LAMA2: variants seen among roughly 807,000 people sequenced by gnomAD.
The protein encoded by LAMA2 is laminin subunit alpha-2.
Under a neutral mutation model 364.8 loss-of-function variants are expected in LAMA2, and 269 were observed. The observed-to-expected ratio is 0.74, with a 90% CI of 0.67 to 0.82. LAMA2 has a LOEUF of 0.82. Ranked by LOEUF, LAMA2 falls within the 40% of genes least tolerant of loss-of-function variation. The probability of loss-of-function intolerance (pLI) is 0.00; values close to 1 mark genes in which losing one functional copy is unlikely to be tolerated. For synonymous variants in LAMA2, 1,379 were observed against 1,370.6 expected, an observed-to-expected ratio of 1.01 and a Z score of -0.14; for missense variants, 3,807 against 3,873.2, an observed-to-expected ratio of 0.98 and a Z score of 0.45.
At chr6:129,240,936 A>C (rs1408524074) in intron 12 of LAMA2, among the ~76,000 whole-genome samples, 2 of 152,316 alleles carry the variant, frequency 1.3e-5, no homozygotes, top group East Asian at 3.9e-4. Context: ...CAAACACTAA[A>C]GCTTCCTTAT....
At chr6:129,309,187 A>G (rs1774058309) in intron 22 of LAMA2, among the ~76,000 whole-genome samples, 1 of 152,250 alleles carries the variant, frequency 6.6e-6, no homozygotes, top group Non-Finnish European at 1.5e-5. Flanking sequence ...AGGTGTGAGC[A>G]TACACATCAT....
At chr6:129,013,304 GCGGGCGCCTGT>G (rs1360286123) in intron 1 of LAMA2, among the ~76,000 whole-genome samples, 3 of 152,120 alleles carry the variant, frequency 2.0e-5, no homozygotes, top group Non-Finnish European at 4.4e-5. Flanking sequence ...CGGCGTGGTG[GCGGGCGCCTGT>G]AGTCCCAGCT....
chr6:129,131,521 C>T (rs567199166), intron 4 of LAMA2, among the ~76,000 whole-genome samples: 3 of 152,274 alleles, frequency 2.0e-5, no homozygotes, highest in South Asian at 2.1e-4. Context: ...GGAACAAGAA[C>T]ACTGTGTGCT....
At chr6:129,236,923 G>C (rs1337728234) in intron 12 of LAMA2, among the ~76,000 whole-genome samples, 2 of 152,116 alleles carry the variant, frequency 1.3e-5, no homozygotes, top group African/African-American at 4.8e-5. Flanking sequence ...CTATGATTGT[G>C]TATTTCATTG....
intron 1 of LAMA2, among the ~76,000 whole-genome samples, chr6:128,900,352 C>A (rs756036553): frequency 6.6e-6 from 1 of 152,090 alleles, no homozygotes; most frequent in Non-Finnish European, 1.5e-5. Flanking sequence ...GAGATCAGGG[C>A]CCAGGTCTGT....
At chr6:129,318,718 G>A (rs970523343) in intron 27 of LAMA2, among the ~76,000 whole-genome samples, 1 of 152,098 alleles carries the variant, frequency 6.6e-6, no homozygotes, top group Non-Finnish European at 1.5e-5. Flanking sequence ...AATTTTAATT[G>A]AATGTGTGTT....
chr6:129,416,955 A>T (rs1780826967), intron 40 of LAMA2, among the ~76,000 whole-genome samples: 1 of 152,190 alleles, frequency 6.6e-6, no homozygotes, highest in Non-Finnish European at 1.5e-5. Context: ...CACTGGTACC[A>T]GGGAATGCGG....
chr6:129,020,131 A>G (rs1011745216), intron 1 of LAMA2, among the ~76,000 whole-genome samples: 1 of 151,596 alleles, frequency 6.6e-6, no homozygotes, highest in Non-Finnish European at 1.5e-5. Context: ...AAGTCTGTGT[A>G]TAGGGCAGGA....
intron 1 of LAMA2, among the ~76,000 whole-genome samples, chr6:128,951,630 A>G (rs1180233373): frequency 2.0e-5 from 3 of 152,144 alleles, no homozygotes; most frequent in African/African-American, 7.2e-5. Flanking sequence ...CAAGTTAATG[A>G]CTGTAGAATA....
chr6:129,017,682 G>T (rs1395281550), intron 1 of LAMA2, among the ~76,000 whole-genome samples: 1 of 152,056 alleles, frequency 6.6e-6, no homozygotes, highest in African/African-American at 2.4e-5. Context: ...CATGGCTGAT[G>T]ATAACATGTG....
intron 52 of LAMA2, among the ~76,000 whole-genome samples, chr6:129,473,769 T>C (rs1349141468): frequency 6.6e-6 from 1 of 152,010 alleles, no homozygotes; most frequent in Non-Finnish European, 1.5e-5. Context: ...TGCTAAGCAT[T>C]AGCATCATAA....
chr6:129,077,739 T>C (rs1026771806), intron 3 of LAMA2, among the ~76,000 whole-genome samples: 4 of 152,240 alleles, frequency 2.6e-5, no homozygotes, highest in African/African-American at 9.6e-5. Context: ...TCCTACTTCT[T>C]ATATTACCTT....
chr6:129,160,196 A>T (rs888336051), intron 8 of LAMA2, among the ~76,000 whole-genome samples: 1 of 152,184 alleles, frequency 6.6e-6, no homozygotes, highest in African/African-American at 2.4e-5. Context: ...AATGCTTGAT[A>T]AAATTTCCTA....
intron 4 of LAMA2, among the ~76,000 whole-genome samples, chr6:129,137,051 G>A (rs923277704): frequency 6.6e-6 from 1 of 152,100 alleles, no homozygotes; most frequent in Admixed American, 6.5e-5. Context: ...TAAGCTTAGG[G>A]GTAGAGTTGT....
chr6:128,959,777 A>G (rs1225874991), intron 1 of LAMA2, among the ~76,000 whole-genome samples: 1 of 152,088 alleles, frequency 6.6e-6, no homozygotes, highest in Non-Finnish European at 1.5e-5. Flanking sequence ...AATACACTAT[A>G]TAGTTTACTT....
intron 18 of LAMA2, among the ~76,000 whole-genome samples, chr6:129,286,424 T>C (rs1184028073): frequency 6.7e-6 from 1 of 149,928 alleles, no homozygotes; most frequent in Non-Finnish European, 1.5e-5. Context: ...TGCACACCTG[T>C]AGCAGTAAGT....
chr6:129,492,144 T>C lies in LAMA2; in HGVS notation c.8075+67T>C. 7 of 1,461,928 alleles carry C rather than the reference T, an allele frequency of 4.8e-6. No homozygotes were observed. In the East Asian group the frequency reaches 6.8e-5, roughly 14 times the overall value. 90.6% of individuals were successfully genotyped at this position (1,461,928 alleles called of 1,614,324 possible). On this transcript the variant is annotated intron_variant, in intron 57 of 64. Transcript: ENST00000421865. ...TATTTCTTGCTATTAGGGGTCCCAA[T>C]GCATCTACATTGTCTACAGCTATGC...
chr6:129,028,575 C>A (rs1333831433), intron 1 of LAMA2, among the ~76,000 whole-genome samples: 1 of 151,714 alleles, frequency 6.6e-6, no homozygotes, highest in Non-Finnish European at 1.5e-5. Flanking sequence ...TTTGTTGTAG[C>A]CAAGCAAATA....
intron 1 of LAMA2, among the ~76,000 whole-genome samples, chr6:129,007,887 A>G (rs1226360073): frequency 1.3e-5 from 2 of 152,148 alleles, no homozygotes; most frequent in Non-Finnish European, 2.9e-5. Context: ...TCATCAGATG[A>G]TGGAGATCCT....
Sources: allele counts gnomAD v4.1 joint callset (sites outside exome capture counted in the v4.1 genomes callset), GRCh38; gene constraint gnomAD v4.1.1; transcripts MANE v1.5; gene names NCBI Gene and HGNC (gene_info 2026-07-23, HGNC 2026-07-21).